Variants in AUTS2 observed in about 807,000 individuals in gnomAD.
The protein encoded by AUTS2 is activator of transcription and developmental regulator AUTS2, also known as autism susceptibility gene 2 protein.
AUTS2 carries 17 observed loss-of-function variants against 112.4 expected under a neutral mutation model. The observed-to-expected ratio is 0.15, with a 90% CI of 0.10 to 0.23. The LOEUF is 0.23. Among genes scored for constraint, AUTS2 ranks in the 10% least tolerant of loss-of-function variants. The probability of loss-of-function intolerance (pLI) is 1.00; values close to 1 mark genes in which losing one functional copy is unlikely to be tolerated. For missense variants in AUTS2, 1,510 were observed against 1,701.6 expected (o/e 0.89, Z 1.98); for synonymous variants, 751 against 702.7 (o/e 1.07, Z -1.09).
intron 5 of AUTS2, among the ~76,000 whole-genome samples, chr7:70,487,637 G>A (rs567723541): frequency 9.8e-4 from 149 of 152,288 alleles, no homozygotes; most frequent in Middle Eastern, 3.4e-3. Context: ...GTGGAAGTGC[G>A]CATGCTAAAT....
chr7:70,625,462 C>T (rs1246694606), intron 5 of AUTS2, among the ~76,000 whole-genome samples: 1 of 152,226 alleles, frequency 6.6e-6, no homozygotes, highest in Admixed American at 6.5e-5. Flanking sequence ...CAAAGCACTC[C>T]TCACCAGTAG....
intron 5 of AUTS2, among the ~76,000 whole-genome samples, chr7:70,440,718 A>C (rs753470895): frequency 1.3e-5 from 2 of 152,216 alleles, no homozygotes; most frequent in African/African-American, 2.4e-5. Flanking sequence ...TCCAAACATC[A>C]GGCCTTCCTC....
intron 6 of AUTS2, among the ~76,000 whole-genome samples, chr7:70,709,621 G>T (rs1401272488): frequency 6.6e-6 from 1 of 152,212 alleles, no homozygotes; most frequent in Non-Finnish European, 1.5e-5. Flanking sequence ...TGAGGCACGA[G>T]AATGGCTTGA....
intron 2 of AUTS2, among the ~76,000 whole-genome samples, chr7:70,085,808 C>A (rs1011780767): frequency 1.3e-5 from 2 of 152,078 alleles, no homozygotes; most frequent in Middle Eastern, 3.2e-3. Flanking sequence ...TTTTACTAAT[C>A]AATTTGTCTG....
chr7:70,315,335 T>A (rs943178863), intron 4 of AUTS2, among the ~76,000 whole-genome samples: 3 of 152,234 alleles, frequency 2.0e-5, no homozygotes, highest in African/African-American at 4.8e-5. Flanking sequence ...CAGGTAGGCC[T>A]GAATTCAAAT....
intron 1 of AUTS2, among the ~76,000 whole-genome samples, chr7:69,626,386 C>T (rs1318960313): frequency 2.0e-5 from 3 of 151,750 alleles, no homozygotes; most frequent in Admixed American, 6.6e-5. Context: ...TTACTTAAAC[C>T]CCGCCTGGTT....
chr7:70,718,664 AAAACAAAC>A (rs531892370), intron 6 of AUTS2, among the ~76,000 whole-genome samples: 10 of 152,160 alleles, frequency 6.6e-5, no homozygotes, highest in Non-Finnish European at 1.5e-4. Flanking sequence ...CTCCGTCTCA[AAAACAAAC>A]AAACAAACAA....
At chr7:70,749,486 T>C (rs1407109067) in intron 6 of AUTS2, among the ~76,000 whole-genome samples, 2 of 152,150 alleles carry the variant, frequency 1.3e-5, no homozygotes, top group Non-Finnish European at 2.9e-5. Flanking sequence ...AGCTGGTAGA[T>C]TGTTTGGGAC....
chr7:70,763,122 C>T lies in AUTS2; in HGVS notation c.995C>T (p.Pro332Leu), dbSNP rs757432625. Residue 332 changes from proline (P) to leucine (L), a missense_variant, in exon 7 of 19, where the codon CCT becomes CTT. This residue lies in a region of AUTS2 where 535 missense variants were observed against 594.3 expected (regional missense o/e 0.90). Transcript: ENST00000342771. ...TTGGTGCAGCGCACAGAGGCCCCAC[C>T]TCAACCCCCACCTCTGAGTACACAG... ...PDLVQRTEAP[P>L]QPPPLSTQPP... 1.9e-6 allele frequency: 3 copies of T among 1,614,036 alleles called. No homozygotes were observed. Among genetic ancestry groups the T allele is most frequent in the East Asian group, 2.2e-5 (1 of 44,872 alleles).
chr7:70,686,707 A>G (rs1808490593), intron 5 of AUTS2, among the ~76,000 whole-genome samples: 1 of 150,522 alleles, frequency 6.6e-6, no homozygotes, highest in East Asian at 2.0e-4. Flanking sequence ...TAATTTTTGT[A>G]CTTTTAGTAG....
At chr7:69,766,594 C>T (rs1262131133) in intron 1 of AUTS2, among the ~76,000 whole-genome samples, 9 of 152,158 alleles carry the variant, frequency 5.9e-5, no homozygotes, top group East Asian at 3.8e-4. Context: ...TTGGTCTCCA[C>T]GCTGCCTTGA....
intron 4 of AUTS2, among the ~76,000 whole-genome samples, chr7:70,205,767 GT>G (rs971633325): frequency 6.6e-6 from 1 of 152,120 alleles, no homozygotes; most frequent in African/African-American, 2.4e-5. Flanking sequence ...TTGACCTAAG[GT>G]CACACAGTTA....
intron 4 of AUTS2, among the ~76,000 whole-genome samples, chr7:70,168,247 T>A (rs1043394545): frequency 6.6e-6 from 1 of 152,212 alleles, no homozygotes; most frequent in Non-Finnish European, 1.5e-5. Context: ...ACCATCAGTC[T>A]GTCTACAAAC....
chr7:70,581,087 A>C (rs1418322281), intron 5 of AUTS2, among the ~76,000 whole-genome samples: 2 of 152,188 alleles, frequency 1.3e-5, no homozygotes, highest in African/African-American at 4.8e-5. Flanking sequence ...GCTTCAAAAA[A>C]AATTTTAAAA....
intron 2 of AUTS2, among the ~76,000 whole-genome samples, chr7:70,070,402 G>T (rs6957126): frequency 6.9e-6 from 1 of 145,980 alleles, no homozygotes; most frequent in African/African-American, 2.5e-5. Flanking sequence ...GCAAAACCCC[G>T]TCTCTTAAAA....
At chr7:70,581,847 A>G (rs1554434959) in intron 5 of AUTS2, among the ~76,000 whole-genome samples, 1 of 152,122 alleles carries the variant, frequency 6.6e-6, no homozygotes, top group Non-Finnish European at 1.5e-5. Context: ...ATTCCTTTAC[A>G]TTTTGTATTG....
intron 3 of AUTS2, among the ~76,000 whole-genome samples, chr7:70,122,063 T>C (rs959274690): frequency 3.3e-5 from 5 of 152,170 alleles, no homozygotes; most frequent in African/African-American, 7.2e-5. Flanking sequence ...TTTAAAAATA[T>C]GCTAAATAAA....
At chr7:70,135,311 A>G (rs190228908) in intron 4 of AUTS2, among the ~76,000 whole-genome samples, 9 of 152,306 alleles carry the variant, frequency 5.9e-5, no homozygotes, top group African/African-American at 2.2e-4. Flanking sequence ...AAAAAGAGTG[A>G]CAAATAAGCA....
chr7:70,341,193 A>G (rs1399371160), intron 4 of AUTS2, among the ~76,000 whole-genome samples: 1 of 152,238 alleles, frequency 6.6e-6, no homozygotes. Flanking sequence ...ATGAGTCTCA[A>G]TCAGGTGATA....
Sources: allele counts gnomAD v4.1 joint callset (sites outside exome capture counted in the v4.1 genomes callset), GRCh38; gene constraint gnomAD v4.1.1; regional missense constraint gnomAD v4.1.1; transcripts MANE v1.5; gene names NCBI Gene and HGNC (gene_info 2026-07-23, HGNC 2026-07-21).